The following SMCO2 variants were observed in gnomAD, a reference collection of about 807,000 sequenced individuals.
SMCO2 encodes single-pass membrane and coiled-coil domain-containing protein 2.
A neutral mutation model predicts 29.5 loss-of-function variants in SMCO2; 25 were observed. That is an observed-to-expected ratio of 0.85 (90% CI 0.62 to 1.18). The LOEUF (loss-of-function observed/expected upper bound fraction) is 1.18. SMCO2 is among the 50% of genes most tolerant of loss of function. The probability of loss-of-function intolerance (pLI) is 0.00; values close to 1 mark genes in which losing one functional copy is unlikely to be tolerated. For synonymous variants in SMCO2, 117 were observed against 123.3 expected, an observed-to-expected ratio of 0.95 and a Z score of 0.34; for missense variants, 348 against 344.5, an observed-to-expected ratio of 1.01 and a Z score of -0.08.
At chr12:27,448,962 G>A in the SMCO2 span, among the ~76,000 whole-genome samples, 4 of 152,190 alleles carry the variant, frequency 2.6e-5, no homozygotes, top group East Asian at 5.8e-4. Context: ...TGAAAGAGGA[G>A]AAAGAGAAGG....
At chr12:27,495,376 T>C (rs1196101824) in intron 6 of SMCO2, among the ~76,000 whole-genome samples, 1 of 150,864 alleles carries the variant, frequency 6.6e-6, no homozygotes, top group Admixed American at 6.6e-5. Context: ...ATGCTTTGCA[T>C]AGATGAACGA....
chr12:27,455,344 T>C, the SMCO2 span, among the ~76,000 whole-genome samples: 1 of 152,212 alleles, frequency 6.6e-6, no homozygotes, highest in East Asian at 1.9e-4. Context: ...CTATTACAAA[T>C]AGAATAGCTA....
chr12:27,463,979 G>T (rs1422619793), upstream of SMCO2, among the ~76,000 whole-genome samples: 1 of 152,152 alleles, frequency 6.6e-6, no homozygotes, highest in Non-Finnish European at 1.5e-5. Context: ...GATGTCAGAA[G>T]TATACTTATA....
the SMCO2 span, among the ~76,000 whole-genome samples, chr12:27,447,615 G>A: frequency 4.6e-5 from 7 of 151,736 alleles, no homozygotes; most frequent in Middle Eastern, 3.4e-3. Flanking sequence ...AAACTTAGCT[G>A]GGCATGGTGA....
At chr12:27,454,360 C>T in the SMCO2 span, among the ~76,000 whole-genome samples, 2 of 152,094 alleles carry the variant, frequency 1.3e-5, no homozygotes, top group Non-Finnish European at 2.9e-5. Context: ...TGCTTTTTCC[C>T]CTCACTTGGC....
upstream of SMCO2, among the ~76,000 whole-genome samples, chr12:27,462,145 G>GT (rs1949463540): frequency 6.6e-6 from 1 of 152,238 alleles, no homozygotes; most frequent in South Asian, 2.1e-4. Flanking sequence ...TCACAATGAT[G>GT]TTTTTTTCCT....
At chr12:27,485,481 A>T (rs1452335783) in intron 4 of SMCO2, among the ~76,000 whole-genome samples, 2 of 137,890 alleles carry the variant, frequency 1.5e-5, no homozygotes, top group Non-Finnish European at 3.0e-5. Context: ...ATAGAGTCTC[A>T]CTCTGTCACC....
chr12:27,464,152 C>T (rs1353816066), upstream of SMCO2, among the ~76,000 whole-genome samples: 1 of 152,148 alleles, frequency 6.6e-6, no homozygotes, highest in African/African-American at 2.4e-5. Flanking sequence ...AGAGTGCACA[C>T]ATGCTTTCTC....
Position 27,494,427 on chromosome 12 carries a change from C to A in SMCO2, c.507+71C>A, listed in dbSNP as rs1942971024. 10 of 1,041,568 alleles carry A rather than the reference C, an allele frequency of 9.6e-6. No homozygotes were observed. The South Asian group carries it at 1.5e-4, about 16-fold the overall frequency. The allele number at this position is 1,041,568 out of a possible 1,614,324, so 64.5% of individuals were successfully genotyped here. On this transcript the variant is annotated intron_variant, in intron 6 of 7. Coordinates refer to ENST00000298876, the Ensembl canonical transcript of SMCO2. ...TTTATGTCTAAATACAGGGGTCATTCATTGCCTAGAATATGACGGTGCACC... is the reference window on the plus strand; with the variant it reads ...TTTATGTCTAAATACAGGGGTCATTAATTGCCTAGAATATGACGGTGCACC...
the SMCO2 span, among the ~76,000 whole-genome samples, chr12:27,457,781 A>G: frequency 1.3e-5 from 2 of 152,384 alleles, no homozygotes; most frequent in African/African-American, 4.8e-5. Context: ...CAGAATCTAC[A>G]TAAGACATAA....
the SMCO2 span, among the ~76,000 whole-genome samples, chr12:27,430,807 G>C: frequency 0.02 from 3,078 of 152,088 alleles, 109 homozygotes; most frequent in African/African-American, 0.071. Flanking sequence ...AAGCAAACTG[G>C]GGCTTAAGAG....
chr12:27,426,881 G>A, the SMCO2 span, among the ~76,000 whole-genome samples: 1 of 152,100 alleles, frequency 6.6e-6, no homozygotes, highest in African/African-American at 2.4e-5. Flanking sequence ...TTGCTAAGGT[G>A]GACATCTATA....
At chr12:27,479,110 C>T (rs1349347646) in intron 4 of SMCO2, among the ~76,000 whole-genome samples, 1 of 152,198 alleles carries the variant, frequency 6.6e-6, no homozygotes, top group Non-Finnish European at 1.5e-5. Flanking sequence ...AGTCAGTCCC[C>T]AGGCCCCTAG....
the SMCO2 span, among the ~76,000 whole-genome samples, chr12:27,453,610 T>C: frequency 6.6e-6 from 1 of 152,292 alleles, no homozygotes; most frequent in East Asian, 1.9e-4. Flanking sequence ...AGACAGAATG[T>C]TGGCCGATAT....
chr12:27,433,551 T>C, the SMCO2 span, among the ~76,000 whole-genome samples: 1 of 150,136 alleles, frequency 6.7e-6, no homozygotes, highest in Admixed American at 6.6e-5. Context: ...ACATATATCA[T>C]ATTCTCAACC....
chr12:27,470,535 G>A, intron 1 of SMCO2, 87 bp from the exon 2 acceptor site: 2 of 1,427,812 alleles, frequency 1.4e-6, no homozygotes, highest in Non-Finnish European at 1.9e-6. Context: ...AATGCCCTGA[G>A]GAAGAAGTTA....
intron 7 of SMCO2, chr12:27,497,151 C>A: frequency 6.4e-6 from 1 of 155,636 alleles, no homozygotes; most frequent in South Asian, 1.9e-4. Context: ...TGTAAGGAAT[C>A]TAAGAGGTTT....
chr12:27,461,992 A>C (rs773252072), upstream of SMCO2, among the ~76,000 whole-genome samples: 1 of 152,200 alleles, frequency 6.6e-6, no homozygotes, highest in Non-Finnish European at 1.5e-5. Flanking sequence ...TATTGTTGTT[A>C]TTTATCTTTA....
At chr12:27,475,875 C>A in intron 4 of SMCO2, 144 bp downstream of exon 5, 3 of 939,126 alleles carry the variant, frequency 3.2e-6, no homozygotes, top group Non-Finnish European at 4.3e-6. Flanking sequence ...ATCTTTTGCT[C>A]ATTTAAAAAA....
Sources: gnomAD v4.1 joint callset for allele counts (sites outside exome capture counted in the v4.1 genomes callset) on GRCh38, gnomAD v4.1.1 for gene constraint, MANE v1.5 for transcripts, NCBI Gene and HGNC (gene_info 2026-07-23, HGNC 2026-07-21) for gene names.